The following ATRNL1 variants were observed in gnomAD, a reference collection of about 807,000 sequenced individuals.
The protein encoded by ATRNL1 is attractin-like protein 1.
Under a neutral mutation model 182.7 loss-of-function variants are expected in ATRNL1, and 95 were observed. The observed-to-expected ratio is 0.52, with a 90% CI of 0.44 to 0.62. The LOEUF (loss-of-function observed/expected upper bound fraction) is 0.62. Among genes scored for constraint, ATRNL1 ranks in the 20% least tolerant of loss-of-function variants. The pLI is 0.00. For missense variants in ATRNL1, 1,471 were observed against 1,679.5 expected, an observed-to-expected ratio of 0.88 and a Z score of 2.17; for synonymous variants, 576 against 568.3, an observed-to-expected ratio of 1.01 and a Z score of -0.19.
intron 24 of ATRNL1, among the ~76,000 whole-genome samples, chr10:115,482,681 C>T (rs1275362889): frequency 6.6e-6 from 1 of 151,010 alleles, no homozygotes; most frequent in Admixed American, 6.6e-5. Context: ...AAGTTTGAAT[C>T]AGTCCCAAGA....
chr10:115,501,886 C>G (rs1849859178), intron 24 of ATRNL1, among the ~76,000 whole-genome samples: 1 of 151,988 alleles, frequency 6.6e-6, no homozygotes, highest in Non-Finnish European at 1.5e-5. Context: ...ATTTTTTCCT[C>G]TATTTACATA....
intron 1 of ATRNL1, among the ~76,000 whole-genome samples, chr10:115,095,189 GT>G (rs1248263972): frequency 1.3e-5 from 2 of 152,042 alleles, no homozygotes; most frequent in African/African-American, 4.8e-5. Flanking sequence ...TTAATATGAA[GT>G]TTGCTGGCTG....
At chr10:115,507,670 T>C (rs1387461493) in intron 24 of ATRNL1, among the ~76,000 whole-genome samples, 1 of 152,122 alleles carries the variant, frequency 6.6e-6, no homozygotes, top group Non-Finnish European at 1.5e-5. Flanking sequence ...TTAAGTCAGT[T>C]AATGTACGAA....
intron 13 of ATRNL1, among the ~76,000 whole-genome samples, chr10:115,270,023 T>C (rs535508595): frequency 2.2e-4 from 33 of 151,930 alleles, no homozygotes; most frequent in African/African-American, 7.5e-4. Context: ...TACTTCAATT[T>C]TATTTGAGTT....
At chr10:115,501,938 C>T (rs1322309954) in intron 24 of ATRNL1, among the ~76,000 whole-genome samples, 1 of 151,996 alleles carries the variant, frequency 6.6e-6, no homozygotes, top group African/African-American at 2.4e-5. Flanking sequence ...TCAAGAGCAC[C>T]TGTTAGAGTT....
At chr10:115,249,624 A>G (rs1237145095) in intron 10 of ATRNL1, among the ~76,000 whole-genome samples, 2 of 152,134 alleles carry the variant, frequency 1.3e-5, no homozygotes, top group Admixed American at 6.5e-5. Flanking sequence ...CATAATTAAT[A>G]TTTAGTACCT....
intron 8 of ATRNL1, among the ~76,000 whole-genome samples, chr10:115,191,632 C>T (rs1440617310): frequency 1.3e-5 from 2 of 152,028 alleles, no homozygotes; most frequent in East Asian, 1.9e-4. Context: ...TTCCCCCATG[C>T]TGTTCTCATT....
chr10:115,453,975 C>A (rs1221564715), intron 21 of ATRNL1, among the ~76,000 whole-genome samples: 1 of 151,796 alleles, frequency 6.6e-6, no homozygotes, highest in Non-Finnish European at 1.5e-5. Flanking sequence ...AAAAAGAAAT[C>A]CATTGTGAAG....
intron 8 of ATRNL1, among the ~76,000 whole-genome samples, chr10:115,202,025 C>T (rs1334326405): frequency 2.6e-5 from 4 of 151,704 alleles, no homozygotes; most frequent in East Asian, 1.9e-4. Flanking sequence ...TGATTTGGCT[C>T]TCTGTTTGTC....
intron 24 of ATRNL1, among the ~76,000 whole-genome samples, chr10:115,475,186 G>A (rs752619606): frequency 6.6e-6 from 1 of 151,446 alleles, no homozygotes; most frequent in Admixed American, 6.6e-5. Flanking sequence ...GATTAGTAGA[G>A]ATATGATGTT....
At chr10:115,296,293 C>T (rs946315654) in intron 15 of ATRNL1, among the ~76,000 whole-genome samples, 1 of 152,118 alleles carries the variant, frequency 6.6e-6, no homozygotes. Context: ...CATCTCCACT[C>T]CCCCACTGCA....
At chr10:115,694,172 GCA>G (rs71010040) in intron 26 of ATRNL1, among the ~76,000 whole-genome samples, 55,540 of 146,726 alleles carry the variant, frequency 0.38, 10,716 homozygotes, top group Admixed American at 0.53. Context: ...CTACACAGAC[GCA>G]CACACACACA....
intron 27 of ATRNL1, among the ~76,000 whole-genome samples, chr10:115,751,297 T>C (rs191964773): frequency 1.3e-5 from 2 of 152,192 alleles, no homozygotes; most frequent in Admixed American, 6.6e-5. Flanking sequence ...ACAAATCTGC[T>C]GTCGCCCTGA....
intron 28 of ATRNL1, among the ~76,000 whole-genome samples, chr10:115,873,489 C>G (rs1052029813): frequency 3.3e-5 from 5 of 152,232 alleles, no homozygotes; most frequent in Non-Finnish European, 5.9e-5. Flanking sequence ...CTTGCTCTAA[C>G]TTGCTGAAAT....
chr10:115,279,639 T>C (rs1554916141), intron 13 of ATRNL1, among the ~76,000 whole-genome samples: 1 of 152,152 alleles, frequency 6.6e-6, no homozygotes, highest in Non-Finnish European at 1.5e-5. Context: ...CTAATCATAG[T>C]CTCATTTACA....
intron 27 of ATRNL1, among the ~76,000 whole-genome samples, chr10:115,788,197 C>T (rs1023610325): frequency 1.3e-5 from 2 of 152,182 alleles, no homozygotes; most frequent in African/African-American, 2.4e-5. Context: ...TGAGTTGATA[C>T]TGGGTTTCGA....
intron 5 of ATRNL1, among the ~76,000 whole-genome samples, chr10:115,142,060 T>C (rs914166497): frequency 3.0e-4 from 45 of 152,186 alleles, no homozygotes; most frequent in Non-Finnish European, 6.0e-4. Context: ...ACAAAGATCC[T>C]TGTGGAACTT....
At chr10:115,879,689 C>G (rs746017724) in intron 28 of ATRNL1, among the ~76,000 whole-genome samples, 159 of 152,134 alleles carry the variant, frequency 1.0e-3, no homozygotes, top group Non-Finnish European at 2.0e-3. Flanking sequence ...TTTAAATCCC[C>G]TTTTTAGCAA....
intron 7 of ATRNL1, among the ~76,000 whole-genome samples, chr10:115,170,465 C>G (rs574378467): frequency 6.6e-6 from 1 of 151,922 alleles, no homozygotes; most frequent in South Asian, 2.1e-4. Flanking sequence ...GAAATGGTAA[C>G]AGAGGTGTAC....
Sources: allele counts gnomAD v4.1 joint callset (sites outside exome capture counted in the v4.1 genomes callset), GRCh38; gene constraint gnomAD v4.1.1; transcripts MANE v1.5; gene names NCBI Gene and HGNC (gene_info 2026-07-23, HGNC 2026-07-21).